Variants in PHRF1 observed in about 807,000 individuals in gnomAD.
PHRF1 encodes PHD and ring finger domains 1.
In PHRF1, 53 loss-of-function variants were observed where a neutral mutation model predicts 128.9. The observed-to-expected ratio is 0.41, with a 90% CI of 0.33 to 0.52. PHRF1 has a LOEUF of 0.52. PHRF1 is among the 20% of genes least tolerant of loss of function. PHRF1 has a pLI of 0.21. For synonymous variants in PHRF1, 1,178 were observed against 980.6 expected (o/e 1.20, Z -3.76); for missense variants, 2,503 against 2,284.5 (o/e 1.10, Z -1.95).
At position 581,507 on chromosome 11, in the gene PHRF1, G is replaced by T. The variant is rs1854198952; in HGVS notation, c.-6G>T. 1.2e-6 allele frequency: 2 copies of T among 1,613,426 alleles called. No homozygotes were observed. Among genetic ancestry groups the T allele is most frequent in the African/African-American group, 1.3e-5 (1 of 74,926 alleles). On this transcript the variant is annotated 5_prime_UTR_variant, in exon 2 of 18. Coordinates refer to ENST00000264555, the MANE Select transcript of PHRF1 (RefSeq NM_001286581.2). ...TTTCTTTCAGAGCTGAGCTCAATGT[G>T]CAGCAATGGATGACGACAGCCTGGA...
intron 9 of PHRF1, among the ~76,000 whole-genome samples, chr11:599,950 A>G (rs1855532037): frequency 6.6e-6 from 1 of 152,108 alleles, no homozygotes; most frequent in South Asian, 2.1e-4. Context: ...GAAATATTCC[A>G]TTGTATGAAT....
At chr11:591,142 TCTTA>T (rs1382430258) in intron 4 of PHRF1, among the ~76,000 whole-genome samples, 1 of 152,178 alleles carries the variant, frequency 6.6e-6, no homozygotes, top group Non-Finnish European at 1.5e-5. Context: ...CCTTTATTGT[TCTTA>T]CTTGTCACTG....
chr11:599,779 A>G (rs113403155), intron 9 of PHRF1, among the ~76,000 whole-genome samples: 5,915 of 150,460 alleles, frequency 0.039, 394 homozygotes, highest in African/African-American at 0.14. Context: ...CTGGGTCTCC[A>G]GAGGACTCGG....
intron 3 of PHRF1, 66 bp downstream of exon 3, chr11:582,147 T>A: frequency 6.5e-7 from 1 of 1,546,320 alleles, no homozygotes; most frequent in Non-Finnish European, 8.7e-7. Flanking sequence ...CAGCCTTTTA[T>A]AACACATCCT....
intron 4 of PHRF1, among the ~76,000 whole-genome samples, chr11:588,455 C>A (rs1854722149): frequency 6.6e-6 from 1 of 152,036 alleles, no homozygotes; most frequent in African/African-American, 2.4e-5. Context: ...TCTTGGCTCA[C>A]CACAACCTCC....
Position 605,148 on chromosome 11 carries a change from G to T in PHRF1, c.1182G>T (p.Ala394=). Residue 394 remains alanine, a synonymous_variant, in exon 11 of 18, where the codon GCG becomes GCT. Transcript: ENST00000264555. Reference sequence around the variant, plus strand: ...AAGCCACCACTCGCTCTCGAATCGCGCGGACGCTGGGCCTGCGCAGGCCTG... The same window carrying T: ...AAGCCACCACTCGCTCTCGAATCGCTCGGACGCTGGGCCTGCGCAGGCCTG... ...KSEATTRSRI[A]RTLGLRRPVH... is the part of the protein sequence containing the mutation. The T allele has an allele frequency of 4.3e-6, 7 of 1,612,666 alleles. No homozygotes were observed. Among genetic ancestry groups the T allele is most frequent in the Non-Finnish European group, 5.9e-6 (7 of 1,179,136 alleles).
intron 3 of PHRF1, among the ~76,000 whole-genome samples, chr11:586,847 G>T (rs1255944557): frequency 3.3e-5 from 5 of 152,114 alleles, no homozygotes; most frequent in Admixed American, 3.3e-4. Context: ...AGAAGGGGGC[G>T]TTGGAAATGG....
intron 5 of PHRF1, among the ~76,000 whole-genome samples, chr11:591,681 TG>T (rs1854979897): frequency 6.6e-6 from 1 of 152,316 alleles, no homozygotes; most frequent in East Asian, 1.9e-4. Context: ...TGCCAGCTCC[TG>T]GGATATCCCT....
Position 608,614 on chromosome 11 carries a change from G to C in PHRF1, c.3158G>C (p.Arg1053Pro). 6.2e-7 allele frequency: 1 copy of C among 1,612,210 alleles called. No homozygotes were observed. ...CAGCGGTCCAAGGCCAAGAGCCGGCGGTCCTCCAGTGACCGCTCCAGCAGC... is the reference window on the plus strand; with the variant it reads ...CAGCGGTCCAAGGCCAAGAGCCGGCCGTCCTCCAGTGACCGCTCCAGCAGC... ...RRQRSKAKSR[R>P]SSSDRSSSRE... is the part of the protein sequence containing the mutation. Residue 1053 changes from arginine to proline, a missense_variant, in exon 14 of 18, where the codon CGG becomes CCG. By Grantham distance (103) the Arg-to-Pro change is moderately radical. Transcript: ENST00000264555.
Position 608,409 on chromosome 11 carries a change from G to C in PHRF1, c.2953G>C (p.Val985Leu), listed in dbSNP as rs746405087. 6.2e-7 allele frequency: 1 copy of C among 1,611,502 alleles called. No homozygotes were observed. Among genetic ancestry groups the C allele is most frequent in the South Asian group, 1.1e-5 (1 of 90,910 alleles). The change falls in exon 14 of 18, where the codon GTG (valine) becomes CTG (leucine). Residue 985 changes from valine (V) to leucine (L), a missense_variant. Transcript: ENST00000264555. The stretch of plus-strand genomic sequence containing the variant: ...GCTGCAGGCTGCCACCCACAGAGTC[G>C]TGGAGCTCAGGCCCCCTTCCCGGTC... ...DVLQAATHRV[V>L]ELRPPSRSRS...
At chr11:587,799 C>G (rs1318965652) in intron 4 of PHRF1, among the ~76,000 whole-genome samples, 3 of 152,306 alleles carry the variant, frequency 2.0e-5, no homozygotes, top group Non-Finnish European at 4.4e-5. Flanking sequence ...TGCGTGGTCA[C>G]TTTGCTGCCT....
At chr11:587,198 TCC>T in intron 3 of PHRF1, 59 bp from the exon 4 acceptor site, 1 of 1,543,834 alleles carries the variant, frequency 6.5e-7, no homozygotes. Flanking sequence ...CCCGCTTGCC[TCC>T]AGTGCCGCGG....
chr11:592,585 C>G lies in PHRF1; in HGVS notation c.531C>G (p.Ser177Arg), dbSNP rs762884445. ...RKIPVENTKA[S>R]EEEEDPTFCE... ...TCCCAGTGGAGAACACCAAAGCGAG[C>G]GAGGAGGAGGAGGACCCGACCTTCT... is the stretch of plus-strand genomic sequence containing the variant. Residue 177 changes from serine to arginine, a missense_variant, in exon 6 of 18, where the codon AGC (serine) becomes AGG (arginine). Ser to Arg is a moderately radical substitution (Grantham distance 110, BLOSUM62 -1). Coordinates refer to ENST00000264555, the MANE Select transcript of PHRF1 (RefSeq NM_001286581.2). 2.5e-6 allele frequency: 4 copies of G among 1,613,984 alleles called. No homozygotes were observed. In the South Asian group the frequency reaches 3.3e-5, roughly 13 times the overall value.
intron 1 of PHRF1, among the ~76,000 whole-genome samples, chr11:580,717 T>G (rs995001451): frequency 6.6e-6 from 1 of 152,192 alleles, no homozygotes; most frequent in Non-Finnish European, 1.5e-5. Flanking sequence ...AGATGGAGTT[T>G]TGCTCTTATT....
chr11:611,403 G>T (rs1244650282), intron 17 of PHRF1, among the ~76,000 whole-genome samples: 2 of 152,156 alleles, frequency 1.3e-5, no homozygotes, highest in East Asian at 1.9e-4. Context: ...CTCAGCCCAT[G>T]CTCCCCCCGC....
At chr11:609,801 G>A (rs1564872128) in intron 14 of PHRF1, 81 bp downstream of exon 14, 15 of 970,836 alleles carry the variant, frequency 1.5e-5, no homozygotes, top group African/African-American at 4.5e-5. Context: ...AGAGCCCCCC[G>A]TGAGTAAGGC....
rs769906736 is a variant in PHRF1 at position 609,238 on chromosome 11, A to T, written c.3782A>T (p.Tyr1261Phe). Residue 1261 changes from tyrosine to phenylalanine, a missense_variant, in exon 14 of 18, where the codon TAT (tyrosine) becomes TTT (phenylalanine). Transcript: ENST00000264555. ...GAGCCGGACGACCTGGACCTGGATT[A>T]TGGCGACTCCGTGGAGGCCGGACAC... ...ECEPDDLDLD[Y>F]GDSVEAGHVF... The T allele has an allele frequency of 7.4e-6, 12 of 1,611,094 alleles. No homozygotes were observed. Among genetic ancestry groups the T allele is most frequent in the Admixed American group, 1.7e-5 (1 of 60,010 alleles).
At chr11:598,980 C>T (rs1390263793) in intron 9 of PHRF1, among the ~76,000 whole-genome samples, 1 of 152,150 alleles carries the variant, frequency 6.6e-6, no homozygotes, top group Non-Finnish European at 1.5e-5. Context: ...ACTTTGATGA[C>T]TTGGTTCTCA....
At chr11:606,745 T>C in intron 13 of PHRF1, 149 bp downstream of exon 13, 1 of 1,213,320 alleles carries the variant, frequency 8.2e-7, no homozygotes, top group Non-Finnish European at 1.1e-6. Context: ...TGATTTCCCT[T>C]CTTGAGCAGT....
Sources: gnomAD v4.1 joint callset for allele counts (sites outside exome capture counted in the v4.1 genomes callset) on GRCh38, gnomAD v4.1.1 for gene constraint, MANE v1.5 for transcripts, NCBI Gene and HGNC (gene_info 2026-07-23, HGNC 2026-07-21) for gene names.